The following LCMT1 variants were observed in gnomAD, a reference collection of about 807,000 sequenced individuals.
LCMT1 encodes [Phosphatase 2A protein]-leucine-carboxy methyltransferase 1.
LCMT1 carries 32 observed loss-of-function variants against 47.7 expected under a neutral mutation model. The observed-to-expected ratio is 0.67, with a 90% CI of 0.51 to 0.90. The LOEUF is 0.90. LCMT1 is among the 40% of genes least tolerant of loss of function. LCMT1 has a pLI of 0.00. For synonymous variants in LCMT1, 152 were observed against 149.7 expected (o/e 1.02, Z -0.11); for missense variants, 375 against 415.2 (o/e 0.90, Z 0.84).
rs559655045 is a variant in LCMT1, at chr16:25,112,325, A to T, written c.113+329A>T. ...GAAGCAAATAGTAGCTCCAGCCTCG[A>T]TGGGTTACGAGGATGAGAGGTGTAG... On this transcript the variant is annotated intron_variant, in intron 1 of 10. Coordinates refer to ENST00000399069, the MANE Select transcript of LCMT1 (RefSeq NM_016309.3). 3.9e-5 allele frequency among the ~76,000 whole-genome samples: 6 copies of T among 152,284 alleles called. No individual in the cohort carries two copies. In the East Asian group the frequency reaches 9.7e-4, roughly 25 times the overall value.
intron 5 of LCMT1, 30 bp downstream of exon 5, chr16:25,151,645 G>A: frequency 1.3e-6 from 2 of 1,587,826 alleles, no homozygotes; most frequent in Non-Finnish European, 1.7e-6. Flanking sequence ...AAAATGGACT[G>A]TATCAGTATT....
At chr16:25,176,579 T>C (rs1961952498) in intron 10 of LCMT1, among the ~76,000 whole-genome samples, 1 of 73,974 alleles carries the variant, frequency 1.4e-5, no homozygotes, top group East Asian at 3.6e-4. Flanking sequence ...TTTTTTTTTT[T>C]TGAGATGGAG....
At chr16:25,161,067 T>C (rs771832059) in intron 5 of LCMT1, 35 bp from the exon 6 acceptor site, 1 of 1,288,022 alleles carries the variant, frequency 7.8e-7, no homozygotes, top group Non-Finnish European at 1.1e-6. Flanking sequence ...AAAAGACATA[T>C]TCATTAAAAT....
At chr16:25,133,434 T>G (rs998806460) in intron 3 of LCMT1, among the ~76,000 whole-genome samples, 1 of 129,776 alleles carries the variant, frequency 7.7e-6, no homozygotes, top group Non-Finnish European at 1.6e-5. Context: ...CTTGCTCCTC[T>G]GTTGCCCAGG....
chr16:25,146,437 C>CA (rs1960858555), intron 4 of LCMT1: 1 of 152,298 alleles, frequency 6.6e-6, no homozygotes, highest in Non-Finnish European at 1.5e-5. Context: ...CTTCCAGTGA[C>CA]CCCCTCCATC....
At chr16:25,115,970 G>A (rs1487753959) in intron 1 of LCMT1, among the ~76,000 whole-genome samples, 4 of 152,128 alleles carry the variant, frequency 2.6e-5, no homozygotes, top group Non-Finnish European at 1.5e-5. Context: ...GAGCCACCAC[G>A]CCCAGCCTTC....
intron 3 of LCMT1, among the ~76,000 whole-genome samples, chr16:25,139,741 A>T (rs142088699): frequency 1.3e-5 from 2 of 152,262 alleles, no homozygotes; most frequent in African/African-American, 4.8e-5. Context: ...TGTGTTGCCC[A>T]GGATGGCCTC....
intron 8 of LCMT1, among the ~76,000 whole-genome samples, chr16:25,170,117 G>A (rs1439330751): frequency 6.6e-6 from 1 of 152,130 alleles, no homozygotes; most frequent in Non-Finnish European, 1.5e-5. Flanking sequence ...CTACTTGGGA[G>A]ACTGAGGCAG....
Position 25,152,490 on chromosome 16 carries a change from G to A in LCMT1, c.466+875G>A, listed in dbSNP as rs57128715. 8.8e-3 allele frequency among the ~76,000 whole-genome samples: 1,333 copies of A among 152,222 alleles called. 19 individuals are homozygous for A. Among genetic ancestry groups the A allele is most frequent in the African/African-American group, 0.031 (1,268 of 41,524 alleles). Reference sequence around the variant, plus strand: ...GGGTTACCATGAAGGAATTTTCAACGACTTTCTAAATGAGTCTTTTTAGAT... The same window carrying A: ...GGGTTACCATGAAGGAATTTTCAACAACTTTCTAAATGAGTCTTTTTAGAT... On this transcript the variant is annotated intron_variant, in intron 5 of 10. Coordinates refer to ENST00000399069, the MANE Select transcript of LCMT1 (RefSeq NM_016309.3).
intron 5 of LCMT1, among the ~76,000 whole-genome samples, chr16:25,152,121 T>C (rs1961100625): frequency 6.6e-6 from 1 of 152,098 alleles, no homozygotes; most frequent in Admixed American, 6.6e-5. Flanking sequence ...CCCACATCTT[T>C]CGGAGACTGG....
At chr16:25,126,353 C>T (rs570401175) in intron 1 of LCMT1, among the ~76,000 whole-genome samples, 2 of 152,416 alleles carry the variant, frequency 1.3e-5, no homozygotes, top group Admixed American at 6.5e-5. Context: ...GCCTCCCTGC[C>T]TCCTCTCTGT....
intron 5 of LCMT1, among the ~76,000 whole-genome samples, chr16:25,159,337 A>G (rs1961351772): frequency 6.6e-6 from 1 of 152,122 alleles, no homozygotes; most frequent in Non-Finnish European, 1.5e-5. Flanking sequence ...AGGCACGATC[A>G]TAGCTCACTG....
At chr16:25,127,582 A>G (rs560076689) in intron 1 of LCMT1, among the ~76,000 whole-genome samples, 1 of 152,332 alleles carries the variant, frequency 6.6e-6, no homozygotes, top group South Asian at 2.1e-4. Context: ...GAGACATGAC[A>G]CACCCATACC....
chr16:25,175,930 C>G (rs533812936), intron 10 of LCMT1, among the ~76,000 whole-genome samples: 1 of 152,244 alleles, frequency 6.6e-6, no homozygotes, highest in African/African-American at 2.4e-5. Flanking sequence ...CTGTGGAGTT[C>G]CCACAGCTGG....
chr16:25,150,119 C>T (rs997238304), intron 4 of LCMT1, among the ~76,000 whole-genome samples: 1 of 151,958 alleles, frequency 6.6e-6, no homozygotes, highest in Non-Finnish European at 1.5e-5. Context: ...CTTTCATAGC[C>T]TAGTACCATG....
chr16:25,116,719 A>C (rs531443594), intron 1 of LCMT1, among the ~76,000 whole-genome samples: 88 of 146,114 alleles, frequency 6.0e-4, no homozygotes, highest in African/African-American at 1.8e-3. Context: ...CCTCTCCACA[A>C]AAAAAAAAAA....
chr16:25,170,627 C>G, intron 8 of LCMT1, 87 bp from the exon 9 acceptor site: 4 of 1,050,714 alleles, frequency 3.8e-6, no homozygotes, highest in African/African-American at 1.6e-5. Context: ...GAGACCTTGT[C>G]TCTTTAAAAC....
At chr16:25,132,244 A>AG (rs930305429) in intron 2 of LCMT1, 158 bp from the exon 3 acceptor site, 6 of 842,562 alleles carry the variant, frequency 7.1e-6, no homozygotes, top group Admixed American at 2.9e-5. Flanking sequence ...AAAAAATTTG[A>AG]AAGTTGCTGT....
chr16:25,136,041 A>C (rs1256560030), intron 3 of LCMT1, among the ~76,000 whole-genome samples: 1 of 150,154 alleles, frequency 6.7e-6, no homozygotes, highest in African/African-American at 2.5e-5. Context: ...TAGTGAGCCA[A>C]GATCGTGCCA....
Sources: allele counts gnomAD v4.1 joint callset (sites outside exome capture counted in the v4.1 genomes callset), GRCh38; gene constraint gnomAD v4.1.1; transcripts MANE v1.5; gene names NCBI Gene and HGNC (gene_info 2026-07-23, HGNC 2026-07-21).